RNF220: variants seen among roughly 807,000 people sequenced by gnomAD.
The protein encoded by RNF220 is E3 ubiquitin-protein ligase RNF220.
A neutral mutation model predicts 67.1 loss-of-function variants in RNF220; 7 were observed. The observed-to-expected ratio is 0.10, with a 90% CI of 0.06 to 0.20. RNF220 has a LOEUF of 0.20. RNF220 is among the 10% of genes least tolerant of loss of function. RNF220 has a pLI of 1.00. For missense variants in RNF220, 565 were observed against 740.3 expected (o/e 0.76, Z 2.75); for synonymous variants, 270 against 283.2 (o/e 0.95, Z 0.47).
rs748692882 is a variant in RNF220 at position 44,650,009 on chromosome 1, G to C, written c.1629+52G>C. On this transcript the variant is annotated intron_variant, in intron 14 of 14. Transcript: ENST00000361799. The surrounding 1 kb of genome is among the most constrained non-coding windows in gnomAD (Gnocchi z 4.3). ...GGGAGGCCGCTCCGGGCACTGCCCA[G>C]ATGTCTGTGCTTATGCCTGAGCCTG... is the stretch of plus-strand genomic sequence containing the variant. 8 of 1,574,846 alleles carry C rather than the reference G, an allele frequency of 5.1e-6. No homozygotes were observed. In the South Asian group the frequency reaches 7.8e-5, roughly 15 times the overall value.
At chr1:44,483,224 C>T (rs548403650) in intron 2 of RNF220, among the ~76,000 whole-genome samples, 59 of 152,220 alleles carry the variant, frequency 3.9e-4, no homozygotes, top group African/African-American at 1.3e-3. Context: ...AACTACCATG[C>T]CCAGCCCAAG....
At chr1:44,502,052 AACACACACACACACACACACAC>A (rs56978327) in intron 2 of RNF220, among the ~76,000 whole-genome samples, 4,187 of 121,850 alleles carry the variant, frequency 0.034, 73 homozygotes, top group Non-Finnish European at 0.039. Context: ...ACACCACTGA[AACACACACACACACACACACAC>A]ACACACACAC....
At position 44,412,787 on chromosome 1, in the gene RNF220, A is replaced by G; in HGVS notation, c.625+65A>G. ...GCCCTGCCTCACCGTGATGTTCAAC[A>G]GGTCGGTGGCGTTTTGCATGCTCCT... On this transcript the variant is annotated intron_variant, in intron 2 of 14. Transcript: ENST00000361799. The surrounding 1 kb of genome is among the most constrained non-coding windows in gnomAD (Gnocchi z 5.3). The G allele has an allele frequency of 6.5e-7, 1 of 1,545,286 alleles. No homozygotes were observed. The highest frequency in any genetic ancestry group is 8.7e-7 in the Non-Finnish European group (1 of 1,144,112).
chr1:44,620,792 T>C (rs1337805046), intron 3 of RNF220, among the ~76,000 whole-genome samples: 1 of 152,136 alleles, frequency 6.6e-6, no homozygotes, highest in African/African-American at 2.4e-5. Context: ...GTGTCTACAT[T>C]TGTGGGTACA....
At chr1:44,603,244 C>T (rs937973508) in intron 2 of RNF220, among the ~76,000 whole-genome samples, 2 of 152,202 alleles carry the variant, frequency 1.3e-5, no homozygotes, top group African/African-American at 2.4e-5. Flanking sequence ...CAATTTCAGC[C>T]GCCGGTCCGC....
At chr1:44,406,869 C>G (rs1387915129) in intron 1 of RNF220, among the ~76,000 whole-genome samples, 4 of 152,272 alleles carry the variant, frequency 2.6e-5, no homozygotes, top group Non-Finnish European at 5.9e-5. Flanking sequence ...GGTTCATCCC[C>G]CAGTCCAGGA....
chr1:44,542,512 C>T (rs541571408), intron 2 of RNF220, among the ~76,000 whole-genome samples: 8 of 152,316 alleles, frequency 5.3e-5, no homozygotes, highest in Non-Finnish European at 8.8e-5. Flanking sequence ...CAGGCTCAGG[C>T]GCACAATCCC....
chr1:44,423,704 C>T (rs1232103748), intron 2 of RNF220: 4 of 283,338 alleles, frequency 1.4e-5, no homozygotes, highest in South Asian at 2.7e-4. Context: ...TTGCCCTACC[C>T]GGAAACGTGA....
At chr1:44,532,792 T>C (rs10890308) in intron 2 of RNF220, among the ~76,000 whole-genome samples, 60,042 of 152,024 alleles carry the variant, frequency 0.39, 12,239 homozygotes, top group Middle Eastern at 0.55. Flanking sequence ...CAGTCATCTA[T>C]TTGCTATCCA....
chr1:44,446,502 G>A (rs774142185), intron 2 of RNF220, among the ~76,000 whole-genome samples: 1 of 151,104 alleles, frequency 6.6e-6, no homozygotes, highest in African/African-American at 2.4e-5. Flanking sequence ...TCTTATAGAT[G>A]TTTCAGCTAA....
intron 3 of RNF220, among the ~76,000 whole-genome samples, chr1:44,620,764 T>A (rs1484210093): frequency 6.6e-6 from 1 of 152,126 alleles, no homozygotes; most frequent in East Asian, 1.9e-4. Context: ...ATACATATGT[T>A]ATGTGTGTTG....
In RNF220 at chr1:44,639,699, C is replaced by T. The variant is rs147129789; in HGVS notation, c.1126+3537C>T. On this transcript the variant is annotated intron_variant, in intron 8 of 14. Coordinates refer to ENST00000361799, the MANE Select transcript of RNF220 (RefSeq NM_018150.4). The stretch of plus-strand genomic sequence containing the variant: ...GAGTTCCTTACATTTAAGCCGGTTC[C>T]AAGTAGCTGGATGAGAAGTCATGAA... Among the ~76,000 whole-genome samples the T allele has an allele frequency of 3.7e-3, 556 of 152,328 alleles. 5 individuals carry two copies. The highest frequency in any genetic ancestry group is 0.012 in the African/African-American group (492 of 41,568).
At chr1:44,546,953 G>T (rs1015662318) in intron 2 of RNF220, among the ~76,000 whole-genome samples, 1 of 152,218 alleles carries the variant, frequency 6.6e-6, no homozygotes, top group African/African-American at 2.4e-5. Flanking sequence ...ACACTAAGGA[G>T]GGGTTCAGCA....
At chr1:44,480,751 T>A (rs762268277) in intron 2 of RNF220, among the ~76,000 whole-genome samples, 10 of 152,016 alleles carry the variant, frequency 6.6e-5, no homozygotes, top group Non-Finnish European at 1.2e-4. Context: ...CTGGGCATGG[T>A]GGGGCACGCC....
chr1:44,568,847 G>A (rs1418743302), intron 2 of RNF220, among the ~76,000 whole-genome samples: 1 of 152,176 alleles, frequency 6.6e-6, no homozygotes, highest in Non-Finnish European at 1.5e-5. Context: ...GGATTCCATG[G>A]GAAGGCTTCG....
intron 2 of RNF220, among the ~76,000 whole-genome samples, chr1:44,591,864 C>G (rs987109407): frequency 1.3e-5 from 2 of 152,080 alleles, no homozygotes; most frequent in African/African-American, 4.8e-5. Context: ...TGCCATCTGA[C>G]ACTCCAGACT....
At chr1:44,430,578 C>T (rs1650254115) in intron 2 of RNF220, among the ~76,000 whole-genome samples, 1 of 152,096 alleles carries the variant, frequency 6.6e-6, no homozygotes, top group Non-Finnish European at 1.5e-5. Flanking sequence ...CAGAGTCTTG[C>T]TCTGTCTCCC....
In RNF220 at chr1:44,412,260, G is replaced by A. The variant is rs373648454; in HGVS notation, c.163G>A (p.Asp55Asn). 88 of 1,614,054 alleles carry A rather than the reference G, an allele frequency of 5.5e-5. No individual in the cohort carries two copies. The highest frequency in any genetic ancestry group is 7.3e-5 in the Non-Finnish European group (86 of 1,180,038). Residue 55 changes from aspartate to asparagine, a missense_variant, in exon 2 of 15, where the codon GAC becomes AAC. Transcript: ENST00000361799. This position sits in a 1 kb window ranked among gnomAD's most constrained non-coding sequence, Gnocchi z 5.3. ...ACCCTTTGGTGTACCTGTCTCAGTT[G>A]ACAAGGACGTGCATATTCCTTTCAC... ...PRPFGVPVSV[D>N]KDVHIPFTNG...
At chr1:44,484,064 A>G (rs2148030856) in intron 2 of RNF220, among the ~76,000 whole-genome samples, 1 of 152,160 alleles carries the variant, frequency 6.6e-6, no homozygotes, top group Middle Eastern at 3.4e-3. Flanking sequence ...CTTGTTCTTC[A>G]CAAGCTGTAG....
Sources: gnomAD v4.1 joint callset for allele counts (sites outside exome capture counted in the v4.1 genomes callset) on GRCh38, gnomAD v4.1.1 for gene constraint, Gnocchi (gnomAD v3.1) non-coding constraint, MANE v1.5 for transcripts, NCBI Gene and HGNC (gene_info 2026-07-23, HGNC 2026-07-21) for gene names.